COX15: variants seen among roughly 807,000 people sequenced by gnomAD.
The protein encoded by COX15 is cytochrome c oxidase assembly factor COX15, also known as heme A synthase COX15.
In COX15, 51 loss-of-function variants were observed where a neutral mutation model predicts 51.9. The ratio of observed to expected loss-of-function variants is 0.98; its 90% CI spans 0.78 to 1.24. COX15 has a LOEUF of 1.24. Among genes scored for constraint, COX15 ranks in the 50% most tolerant of loss-of-function variants. COX15 has a pLI of 0.00. For synonymous variants in COX15, 188 were observed against 190.5 expected (o/e 0.99, Z 0.11); for missense variants, 420 against 501.1 (o/e 0.84, Z 1.55).
chr10:99,708,973 C>G (rs886046594), downstream of COX15: 1 of 985,424 alleles, frequency 1.0e-6, no homozygotes, highest in Non-Finnish European at 1.2e-6. Context: ...GACTGCTTTG[C>G]TCACATTTAG....
At chr10:99,714,874 A>T (rs1255896179) in intron 8 of COX15, among the ~76,000 whole-genome samples, 156 bp from the exon 9 acceptor site, 1 of 152,242 alleles carries the variant, frequency 6.6e-6, no homozygotes. Context: ...TATGCTTACA[A>T]TGAAAGAAAT....
chr10:99,704,580 G>T, the COX15 span: 1 of 1,613,946 alleles, frequency 6.2e-7, no homozygotes, highest in Admixed American at 1.7e-5. Context: ...TACCTTCTGC[G>T]GCTACGCCGA....
rs866981466 is a variant in COX15, at chr10:99,719,644, C to T, written c.833-1144G>A. 4.6e-5 allele frequency among the ~76,000 whole-genome samples: 7 copies of T among 152,056 alleles called. No individual in the cohort carries two copies. The South Asian group carries it at 6.2e-4, about 14-fold the overall frequency. Reference sequence around the variant, plus strand: ...TAGCTGAGACTACAGGTGAATACCACCACACATGGCTAATTTTTGTATTTT... The same window carrying T: ...TAGCTGAGACTACAGGTGAATACCATCACACATGGCTAATTTTTGTATTTT... On this transcript the variant is annotated intron_variant, in intron 6 of 8. Coordinates refer to ENST00000016171, the MANE Select transcript of COX15 (RefSeq NM_078470.6).
chr10:99,723,342 A>C (rs183888838), intron 5 of COX15, among the ~76,000 whole-genome samples: 68 of 152,192 alleles, frequency 4.5e-4, no homozygotes, highest in Admixed American at 1.2e-3. Context: ...GGGTTTCTCC[A>C]GGTTGGTCAG....
the COX15 span, chr10:99,702,512 A>AT: frequency 6.4e-7 from 1 of 1,559,976 alleles, no homozygotes; most frequent in Non-Finnish European, 8.6e-7. Flanking sequence ...TGTCACACAG[A>AT]TATCAGTGTT....
chr10:99,723,062 A>G (rs946308631), intron 5 of COX15: 2 of 152,206 alleles, frequency 1.3e-5, no homozygotes, highest in Non-Finnish European at 2.9e-5. Context: ...GATTCGACTT[A>G]AGAGTCCTGC....
intron 7 of COX15, 24 bp from the exon 8 acceptor site, chr10:99,716,485 A>G: frequency 6.7e-7 from 1 of 1,497,252 alleles, no homozygotes; most frequent in Non-Finnish European, 9.3e-7. Flanking sequence ...AGAGTCTATC[A>G]CATTAGATAG....
rs1428335084 is a variant in COX15, at chr10:99,724,081, T to C, written c.625A>G (p.Lys209Glu). ...CGAGGGATGTCATGGGAGTCTGATT[T>C]TTCTTCTAGTCCACTTTTCACCATA... Reference protein sequence around the residue: ...WYMVKSGLEEKSDSHDIPRVS... With the variant: ...WYMVKSGLEEESDSHDIPRVS... The change falls in exon 5 of 9, where the codon AAA (lysine) becomes GAA (glutamate). Residue 209 changes from lysine to glutamate, a missense_variant. By Grantham distance (56) the Lys-to-Glu change is moderately conservative. Coordinates refer to ENST00000016171, the MANE Select transcript of COX15 (RefSeq NM_078470.6). 6.2e-7 allele frequency: 1 copy of C among 1,614,104 alleles called. No individual in the cohort carries two copies. Among genetic ancestry groups the C allele is most frequent in the Non-Finnish European group, 8.5e-7 (1 of 1,180,014 alleles).
At chr10:99,709,023 C>G (rs2036306441), downstream of COX15, 14 of 984,208 alleles carry the variant, frequency 1.4e-5, no homozygotes, top group Non-Finnish European at 1.7e-5. Flanking sequence ...GAAATAGTGC[C>G]AAGTTTTCAC....
Position 99,731,909 on chromosome 10 carries a change from C to T in COX15, c.90+51G>A, listed in dbSNP as rs554513422. ...GCTCTACATTATCTTTATCCCGGCC[C>T]TTTCACTCCATCCCCGCTCCCGCGA... On this transcript the variant is annotated intron_variant, in intron 1 of 8. Transcript: ENST00000016171. The T allele has an allele frequency of 9.0e-6, 14 of 1,563,380 alleles. No individual in the cohort carries two copies. In the South Asian group the frequency reaches 1.4e-4, roughly 16 times the overall value.
chr10:99,726,680 G>T (rs2036960005), intron 4 of COX15, among the ~76,000 whole-genome samples: 1 of 152,094 alleles, frequency 6.6e-6, no homozygotes, highest in African/African-American at 2.4e-5. Context: ...GAGGTCAGGA[G>T]ATCGAGACCA....
At chr10:99,720,507 A>G (rs1261531097) in intron 6 of COX15, among the ~76,000 whole-genome samples, 1 of 152,214 alleles carries the variant, frequency 6.6e-6, no homozygotes, top group Non-Finnish European at 1.5e-5. Context: ...TCCACCTGCA[A>G]CCATCTCTGA....
chr10:99,700,289 G>C, the COX15 span, among the ~76,000 whole-genome samples: 22 of 152,052 alleles, frequency 1.4e-4, no homozygotes, highest in African/African-American at 5.1e-4. Flanking sequence ...TCTTCCCAGA[G>C]CCACCTTCTG....
At chr10:99,700,457 C>T in the COX15 span, among the ~76,000 whole-genome samples, 2 of 150,540 alleles carry the variant, frequency 1.3e-5, no homozygotes, top group South Asian at 4.2e-4. Context: ...TATTGTCTGT[C>T]TCCTACCACT....
chr10:99,711,039 T>C lies in COX15; in HGVS notation c.*3548A>G. On this transcript the variant is annotated 3_prime_UTR_variant, in exon 9 of 9. Coordinates refer to ENST00000016171, the MANE Select transcript of COX15 (RefSeq NM_078470.6). ...TCAATCTGTAATTATCCATTTTCCA[T>C]TCATGCATTCACTAATTCAATATTT... 1.0e-6 allele frequency: 1 copy of C among 985,334 alleles called. No homozygotes were observed. The highest frequency in any genetic ancestry group is 1.2e-6 in the Non-Finnish European group (1 of 829,860). 61.0% of individuals were successfully genotyped at this position (985,334 alleles called of 1,614,324 possible). A position where few individuals can be genotyped will look rare whatever the true frequency, so the allele number is the denominator to read the frequency against.
intron 1 of COX15, among the ~76,000 whole-genome samples, chr10:99,730,205 G>A (rs2037092737): frequency 6.6e-6 from 1 of 152,166 alleles, no homozygotes; most frequent in Non-Finnish European, 1.5e-5. Flanking sequence ...GTACAGTCAA[G>A]CATCACTTAA....
rs1296891486 is a variant in COX15 at position 99,713,965 on chromosome 10, C to CGA, written c.*621_*622insTC. ...CAGCCTGGGCAACAAGAGTGAAACT[C>CGA]TGTCTCAAAAAAAAAAAAAAAAATG... On this transcript the variant is annotated 3_prime_UTR_variant, in exon 9 of 9. Coordinates refer to ENST00000016171, the MANE Select transcript of COX15 (RefSeq NM_078470.6). The CGA allele has an allele frequency of 1.1e-6, 1 of 910,276 alleles. No individual in the cohort carries two copies. The highest frequency in any genetic ancestry group is 1.3e-6 in the Non-Finnish European group (1 of 769,360). 56.4% of individuals were successfully genotyped at this position (910,276 alleles called of 1,614,324 possible).
chr10:99,696,176 T>C, the COX15 span: 1 of 1,588,080 alleles, frequency 6.3e-7, no homozygotes, highest in Non-Finnish European at 8.6e-7. Context: ...GCTGCAGATA[T>C]TAGGGAGAAA....
At chr10:99,700,393 CGTGTGTGTGTGTGTGTGTGTATGTGTGT>C in the COX15 span, among the ~76,000 whole-genome samples, 2 of 103,598 alleles carry the variant, frequency 1.9e-5, no homozygotes, top group East Asian at 2.9e-4. Flanking sequence ...TCCAACGTAC[CGTGTGTGTGTGTGTGTGTGTATGTGTGT>C]GTGTGTGTGT....
Sources: gnomAD v4.1 joint callset for allele counts (sites outside exome capture counted in the v4.1 genomes callset) on GRCh38, gnomAD v4.1.1 for gene constraint, MANE v1.5 for transcripts, NCBI Gene and HGNC (gene_info 2026-07-23, HGNC 2026-07-21) for gene names.